Variants in EYS observed in about 807,000 individuals in gnomAD.
The protein encoded by EYS is EGF-like photoreceptor maintenance factor.
EYS carries 250 observed loss-of-function variants against 282.1 expected under a neutral mutation model. The ratio of observed to expected loss-of-function variants is 0.89; its 90% CI spans 0.80 to 0.98. The LOEUF (loss-of-function observed/expected upper bound fraction) is 0.98. EYS is among the 50% of genes least tolerant of loss of function. The pLI is 0.00. For synonymous variants in EYS, 1,355 were observed against 1,282.9 expected (o/e 1.06, Z -1.20); for missense variants, 4,016 against 3,709.0 (o/e 1.08, Z -2.15).
intron 2 of EYS, among the ~76,000 whole-genome samples, chr6:65,530,266 T>C (rs1027284580): frequency 6.6e-6 from 1 of 152,168 alleles, no homozygotes; most frequent in Non-Finnish European, 1.5e-5. Flanking sequence ...GAGCAATTTC[T>C]CAGTGTCTAT....
chr6:65,352,768 A>G (rs890404436), intron 9 of EYS, among the ~76,000 whole-genome samples: 2 of 151,934 alleles, frequency 1.3e-5, no homozygotes, highest in African/African-American at 4.8e-5. Context: ...CAAAACCTAT[A>G]GTAATTTTCT....
At chr6:64,253,535 C>T (rs532691899) in intron 30 of EYS, among the ~76,000 whole-genome samples, 2 of 152,252 alleles carry the variant, frequency 1.3e-5, no homozygotes, top group African/African-American at 4.8e-5. Flanking sequence ...CAAATTATTT[C>T]CTGGTCTTAA....
Position 64,284,317 on chromosome 6 carries a change from C to A in EYS, c.6191+22653G>T, listed in dbSNP as rs533224811. Among the ~76,000 whole-genome samples the A allele has an allele frequency of 2.4e-4, 36 of 152,290 alleles. No individual in the cohort carries two copies. The South Asian group carries it at 7.3e-3, about 31-fold the overall frequency. ...CAAGTCCAAAGTCCAGCAGGACAGT[C>A]AAATTTTAAAGCTCCCAAATGATCT... On this transcript the variant is annotated intron_variant, in intron 30 of 42. Coordinates refer to ENST00000503581, the MANE Select transcript of EYS (RefSeq NM_001142800.2).
chr6:63,781,386 G>C (rs1770221874), intron 39 of EYS, among the ~76,000 whole-genome samples: 1 of 152,134 alleles, frequency 6.6e-6, no homozygotes, highest in African/African-American at 2.4e-5. Context: ...CATGAGCATG[G>C]AATGTTCTTC....
chr6:63,798,987 G>GTGTATA (rs1247104267), intron 37 of EYS, among the ~76,000 whole-genome samples: 5 of 85,754 alleles, frequency 5.8e-5, no homozygotes, highest in South Asian at 4.1e-4. Flanking sequence ...GTATATGTGT[G>GTGTATA]TATATATATA....
intron 11 of EYS, among the ~76,000 whole-genome samples, chr6:65,323,392 T>C (rs2150306750): frequency 6.6e-6 from 1 of 151,822 alleles, no homozygotes; most frequent in East Asian, 1.9e-4. Flanking sequence ...TGAGTGTAAA[T>C]AATCTTGCTA....
chr6:65,661,365 A>G (rs1767994426), intron 1 of EYS, among the ~76,000 whole-genome samples: 1 of 151,998 alleles, frequency 6.6e-6, no homozygotes, highest in Non-Finnish European at 1.5e-5. Context: ...AGTGACCATT[A>G]TTATACATAT....
chr6:64,088,921 A>T (rs545322377), intron 31 of EYS, among the ~76,000 whole-genome samples: 33 of 152,154 alleles, frequency 2.2e-4, no homozygotes, highest in African/African-American at 7.2e-4. Flanking sequence ...ATAAAGCTAC[A>T]AATACAATGG....
At chr6:64,382,749 T>A (rs1017300185) in intron 29 of EYS, among the ~76,000 whole-genome samples, 1 of 152,098 alleles carries the variant, frequency 6.6e-6, no homozygotes, top group South Asian at 2.1e-4. Context: ...TAAGAGAGAA[T>A]CTTGAGTGGA....
At position 64,592,978 on chromosome 6, in the gene EYS, A is replaced by G. The variant is rs558146096; in HGVS notation, c.3877+139T>C. 1.0e-5 allele frequency: 6 copies of G among 572,268 alleles called. No homozygotes were observed. In the Admixed American group the frequency reaches 2.0e-4, roughly 20 times the overall value. The allele number at this position is 572,268 out of a possible 1,614,324, so 35.4% of individuals were successfully genotyped here. A position where few individuals can be genotyped will look rare whatever the true frequency, so the allele number is the denominator to read the frequency against. On this transcript the variant is annotated intron_variant, in intron 25 of 42. Transcript: ENST00000503581. ...AACAAAACTTAAAACAGGAGTCATA[A>G]CCAATAATGCTTAATTTTACACCCC...
chr6:64,540,171 T>G (rs547511686), intron 26 of EYS, among the ~76,000 whole-genome samples: 10 of 152,218 alleles, frequency 6.6e-5, no homozygotes, highest in African/African-American at 2.4e-4. Flanking sequence ...GAAGCAACTT[T>G]AAATCCTGTG....
At chr6:64,438,780 G>A (rs1166050797) in intron 27 of EYS, among the ~76,000 whole-genome samples, 1 of 151,466 alleles carries the variant, frequency 6.6e-6, no homozygotes, top group African/African-American at 2.4e-5. Flanking sequence ...AGCTTCTTAA[G>A]AACACTCTCT....
At chr6:65,491,307 AG>A (rs1766035550) in intron 4 of EYS, 3 of 253,820 alleles carry the variant, frequency 1.2e-5, no homozygotes, top group South Asian at 4.6e-5. Context: ...ACACACACAC[AG>A]CCTTCCATAA....
intron 2 of EYS, among the ~76,000 whole-genome samples, chr6:65,575,422 A>C (rs1160875864): frequency 6.6e-6 from 1 of 151,620 alleles, no homozygotes; most frequent in Non-Finnish European, 1.5e-5. Flanking sequence ...AACATATTCA[A>C]AATTAAAACA....
intron 11 of EYS, chr6:65,330,052 A>G (rs1769739223): frequency 5.1e-6 from 5 of 984,488 alleles, no homozygotes; most frequent in Non-Finnish European, 6.0e-6. Flanking sequence ...ACACACTGCT[A>G]TAATCAAGCA....
intron 26 of EYS, among the ~76,000 whole-genome samples, chr6:64,463,537 A>G (rs1423901324): frequency 6.6e-6 from 1 of 152,214 alleles, no homozygotes; most frequent in Non-Finnish European, 1.5e-5. Flanking sequence ...TTGTAAAGCC[A>G]ATGGGAGACT....
intron 22 of EYS, among the ~76,000 whole-genome samples, chr6:64,695,898 G>T (rs1354458412): frequency 6.6e-6 from 1 of 152,042 alleles, no homozygotes; most frequent in African/African-American, 2.4e-5. Flanking sequence ...AGTAAGAAGT[G>T]ACTCTTCCCA....
rs553731711 is a variant in EYS at position 64,464,628 on chromosome 6, T to C, written c.5645-25276A>G. 2.0e-5 allele frequency among the ~76,000 whole-genome samples: 3 copies of C among 152,146 alleles called. No homozygotes were observed. The East Asian group carries it at 5.8e-4, about 29-fold the overall frequency. ...ACTAAATCAACAAAAATTGGTAATG[T>C]CTCTATATACTAACAACAGACTATA... On this transcript the variant is annotated intron_variant, in intron 26 of 42. Coordinates refer to ENST00000503581, the MANE Select transcript of EYS (RefSeq NM_001142800.2).
chr6:64,516,774 TC>T (rs1777572265), intron 26 of EYS, among the ~76,000 whole-genome samples: 1 of 151,844 alleles, frequency 6.6e-6, no homozygotes, highest in African/African-American at 2.4e-5. Flanking sequence ...TTTGTTTTTT[TC>T]TATGAACTAT....
Sources: allele counts gnomAD v4.1 joint callset (sites outside exome capture counted in the v4.1 genomes callset), GRCh38; gene constraint gnomAD v4.1.1; transcripts MANE v1.5; gene names NCBI Gene and HGNC (gene_info 2026-07-23, HGNC 2026-07-21).